CTNNA3: variants seen among roughly 807,000 people sequenced by gnomAD.
CTNNA3 encodes the protein catenin alpha 3, also known as catenin alpha-3.
CTNNA3 carries 76 observed loss-of-function variants against 95.7 expected under a neutral mutation model. The ratio of observed to expected loss-of-function variants is 0.79; its 90% CI spans 0.66 to 0.96. CTNNA3 has a LOEUF of 0.96. CTNNA3 is among the 40% of genes least tolerant of loss of function. CTNNA3 has a pLI of 0.00. For missense variants in CTNNA3, 1,191 were observed against 1,089.8 expected (o/e 1.09, Z -1.31); for synonymous variants, 431 against 374.4 (o/e 1.15, Z -1.74).
At chr10:67,690,885 T>G (rs1840833766) in intron 1 of CTNNA3, among the ~76,000 whole-genome samples, 1 of 152,088 alleles carries the variant, frequency 6.6e-6, no homozygotes, top group Non-Finnish European at 1.5e-5. Flanking sequence ...CGTCTCTGTC[T>G]CCCTCTCCCC....
At chr10:66,321,029 C>T (rs1369105142) in intron 12 of CTNNA3, among the ~76,000 whole-genome samples, 1 of 151,970 alleles carries the variant, frequency 6.6e-6, no homozygotes, top group Non-Finnish European at 1.5e-5. Flanking sequence ...CAGACCAATG[C>T]CCATCACAAA....
intron 1 of CTNNA3, among the ~76,000 whole-genome samples, chr10:67,683,579 A>ACC (rs1324343483): frequency 5.9e-5 from 9 of 152,308 alleles, no homozygotes; most frequent in African/African-American, 2.2e-4. Flanking sequence ...TAATTCATTT[A>ACC]TTACCCAGTT....
intron 5 of CTNNA3, among the ~76,000 whole-genome samples, chr10:67,317,453 G>C (rs1841107388): frequency 7.6e-6 from 1 of 131,764 alleles, no homozygotes; most frequent in African/African-American, 2.7e-5. Context: ...TTGAGATTGA[G>C]TCTCTCCCTG....
chr10:65,978,926 T>C (rs929756750), intron 16 of CTNNA3, among the ~76,000 whole-genome samples: 2 of 152,084 alleles, frequency 1.3e-5, no homozygotes, highest in African/African-American at 4.8e-5. Flanking sequence ...TATAGAAGTA[T>C]GATTAAAAAT....
chr10:66,875,319 C>T (rs1363923291), intron 7 of CTNNA3, among the ~76,000 whole-genome samples: 2 of 151,716 alleles, frequency 1.3e-5, no homozygotes, highest in African/African-American at 4.8e-5. Flanking sequence ...AACCTGGGTC[C>T]TATTCATGGA....
At chr10:66,955,615 G>A (rs769586945) in intron 7 of CTNNA3, among the ~76,000 whole-genome samples, 6 of 152,084 alleles carry the variant, frequency 3.9e-5, no homozygotes, top group Non-Finnish European at 8.8e-5. Context: ...TTGGATGAAT[G>A]GATATATGGA....
chr10:67,729,855 G>A (rs1168709210), intron 1 of CTNNA3, among the ~76,000 whole-genome samples: 4 of 151,972 alleles, frequency 2.6e-5, no homozygotes, highest in African/African-American at 9.7e-5. Context: ...ATGGTTAATC[G>A]TTATGTCCAT....
At chr10:66,540,044 T>A (rs1243066085) in intron 10 of CTNNA3, among the ~76,000 whole-genome samples, 1 of 152,112 alleles carries the variant, frequency 6.6e-6, no homozygotes, top group African/African-American at 2.4e-5. Context: ...CTTCTTTTGT[T>A]TGTTATCACC....
chr10:65,992,110 CAT>C (rs2078558797), intron 15 of CTNNA3, among the ~76,000 whole-genome samples: 1 of 151,944 alleles, frequency 6.6e-6, no homozygotes, highest in South Asian at 2.1e-4. Flanking sequence ...ACTTGATTAA[CAT>C]GTGTTATCTT....
intron 5 of CTNNA3, among the ~76,000 whole-genome samples, chr10:67,289,095 T>C (rs1589129834): frequency 6.6e-6 from 1 of 152,334 alleles, no homozygotes; most frequent in African/African-American, 2.4e-5. Flanking sequence ...TTATGTTAAA[T>C]AATTACTAAA....
intron 12 of CTNNA3, among the ~76,000 whole-genome samples, chr10:66,327,758 G>A (rs937769964): frequency 2.0e-4 from 30 of 152,014 alleles, no homozygotes; most frequent in African/African-American, 7.0e-4. Context: ...ATTGTGATTG[G>A]CTTTTAAATA....
Position 67,519,879 on chromosome 10 carries a change from C to T in CTNNA3, c.579+1963G>A, listed in dbSNP as rs77092505. Among the ~76,000 whole-genome samples, 1,379 of 152,158 alleles carry T rather than the reference C, an allele frequency of 9.1e-3. 22 individuals carry two copies. The highest frequency in any genetic ancestry group is 0.031 in the African/African-American group (1,305 of 41,514). ...GCGTGTGCTTCATCAGGTTTTGGAG[C>T]TTTAAAGGAATAGAATGCGAGATAA... On this transcript the variant is annotated intron_variant, in intron 5 of 17. Coordinates refer to ENST00000433211, the MANE Select transcript of CTNNA3 (RefSeq NM_013266.4).
At chr10:67,574,237 C>T (rs1357498342) in intron 3 of CTNNA3, among the ~76,000 whole-genome samples, 1 of 152,162 alleles carries the variant, frequency 6.6e-6, no homozygotes, top group Non-Finnish European at 1.5e-5. Flanking sequence ...GTGCTTACTT[C>T]ATAACTTTAA....
chr10:67,577,228 T>C (rs548355624), intron 3 of CTNNA3, among the ~76,000 whole-genome samples: 178 of 152,110 alleles, frequency 1.2e-3, no homozygotes, highest in Admixed American at 4.1e-3. Flanking sequence ...GTTTCCTGAC[T>C]TTTTAATGAT....
intron 13 of CTNNA3, among the ~76,000 whole-genome samples, chr10:66,118,483 C>T (rs534069576): frequency 3.3e-5 from 5 of 152,204 alleles, no homozygotes; most frequent in Admixed American, 6.5e-5. Flanking sequence ...ACAACATGAC[C>T]GAAATAAGTC....
chr10:66,806,680 A>G (rs1490620025), intron 7 of CTNNA3, among the ~76,000 whole-genome samples: 1 of 151,890 alleles, frequency 6.6e-6, no homozygotes, highest in African/African-American at 2.4e-5. Flanking sequence ...CACATTCTCT[A>G]TAAATATAGA....
chr10:67,628,545 A>C (rs1231301604), intron 2 of CTNNA3, among the ~76,000 whole-genome samples: 2 of 152,158 alleles, frequency 1.3e-5, no homozygotes, highest in African/African-American at 4.8e-5. Flanking sequence ...AAGACCCCTG[A>C]AGTATCCAAA....
intron 11 of CTNNA3, among the ~76,000 whole-genome samples, chr10:66,410,146 A>G (rs1241081016): frequency 6.6e-6 from 1 of 152,232 alleles, no homozygotes. Context: ...CTATTCAGGA[A>G]AGCTTTATAA....
intron 7 of CTNNA3, among the ~76,000 whole-genome samples, chr10:66,887,417 A>C (rs1845085133): frequency 6.6e-6 from 1 of 152,190 alleles, no homozygotes; most frequent in South Asian, 2.1e-4. Flanking sequence ...GTCTAGTATT[A>C]GAGAAGAAAA....
Sources: allele counts gnomAD v4.1 joint callset (sites outside exome capture counted in the v4.1 genomes callset), GRCh38; gene constraint gnomAD v4.1.1; transcripts MANE v1.5; gene names NCBI Gene and HGNC (gene_info 2026-07-23, HGNC 2026-07-21).